The following IQSEC1 variants were observed in gnomAD, a reference collection of about 807,000 sequenced individuals.
The protein encoded by IQSEC1 is IQ motif and SEC7 domain-containing protein 1.
Under a neutral mutation model 91.0 loss-of-function variants are expected in IQSEC1, and 31 were observed. The ratio of observed to expected loss-of-function variants is 0.34; its 90% CI spans 0.26 to 0.46. The LOEUF is 0.46. Ranked by LOEUF, IQSEC1 falls within the 20% of genes least tolerant of loss-of-function variation. IQSEC1 has a pLI of 1.00. For missense variants in IQSEC1, 1,388 were observed against 1,575.6 expected, an observed-to-expected ratio of 0.88 and a Z score of 2.02; for synonymous variants, 699 against 662.6, an observed-to-expected ratio of 1.05 and a Z score of -0.84.
At chr3:13,197,250 CAT>C (rs956247350) in intron 1 of IQSEC1, among the ~76,000 whole-genome samples, 69 of 152,344 alleles carry the variant, frequency 4.5e-4, no homozygotes, top group African/African-American at 1.7e-3. Context: ...TCCCTGCACA[CAT>C]TTTTTAAAAA....
chr3:13,086,869 A>G (rs1705745122), intron 2 of IQSEC1, among the ~76,000 whole-genome samples: 1 of 152,152 alleles, frequency 6.6e-6, no homozygotes, highest in African/African-American at 2.4e-5. Flanking sequence ...TTCTTTCTCA[A>G]CATCTGTCTT....
chr3:13,013,563 G>A (rs746242868), intron 1 of IQSEC1, among the ~76,000 whole-genome samples: 1 of 152,132 alleles, frequency 6.6e-6, no homozygotes, highest in Non-Finnish European at 1.5e-5. Context: ...GGTGACATGT[G>A]TCCATTAAAA....
At chr3:13,172,417 G>A (rs1307715806) in intron 1 of IQSEC1, among the ~76,000 whole-genome samples, 2 of 152,196 alleles carry the variant, frequency 1.3e-5, no homozygotes, top group African/African-American at 4.8e-5. Flanking sequence ...AACAGGACAG[G>A]CCCAGAAAGA....
chr3:13,111,445 C>G (rs1706242759), intron 2 of IQSEC1, among the ~76,000 whole-genome samples: 1 of 152,176 alleles, frequency 6.6e-6, no homozygotes, highest in Non-Finnish European at 1.5e-5. Context: ...TTCTGCAGGG[C>G]TATTCTGGGA....
chr3:12,901,583 ATT>A, intron 13 of IQSEC1, 61 bp from the exon 14 acceptor site: 9 of 1,207,972 alleles, frequency 7.5e-6, no homozygotes, highest in Non-Finnish European at 1.0e-5. Flanking sequence ...GGTCAGAATG[ATT>A]TTTTTTTTTC....
chr3:13,156,478 G>T (rs1707087127), intron 2 of IQSEC1, among the ~76,000 whole-genome samples: 1 of 152,202 alleles, frequency 6.6e-6, no homozygotes, highest in African/African-American at 2.4e-5. Flanking sequence ...AGAAAGAAGT[G>T]CATGATGGAG....
intron 7 of IQSEC1, 30 bp downstream of exon 7, chr3:12,915,564 G>A (rs539695134): frequency 6.2e-7 from 1 of 1,608,136 alleles, no homozygotes; most frequent in African/African-American, 1.3e-5. Flanking sequence ...TGGTGCTGGG[G>A]CCCACCACGT....
At chr3:12,955,225 G>A (rs749336569) in intron 1 of IQSEC1, among the ~76,000 whole-genome samples, 2 of 152,224 alleles carry the variant, frequency 1.3e-5, no homozygotes, top group Non-Finnish European at 2.9e-5. Context: ...CAAGGAACTT[G>A]AACTACCAAG....
rs1218363966 is a variant in IQSEC1 at position 12,922,263 on chromosome 3, C to T, written c.1731-21G>A. On this transcript the variant is annotated intron_variant, in intron 4 of 13. Coordinates refer to ENST00000613206, the MANE Select transcript of IQSEC1 (RefSeq NM_001134382.3). This position sits in a 1 kb window ranked among gnomAD's most constrained non-coding sequence, Gnocchi z 5.1. ...CGCAGCTGGAATAGAGACAGACAGC[C>T]CCGCATAAGCACCCCTTGCAGGTGC... The T allele has an allele frequency of 1.9e-6, 3 of 1,557,240 alleles. No individual in the cohort carries two copies. The highest frequency in any genetic ancestry group is 2.6e-6 in the Non-Finnish European group (3 of 1,141,890).
intron 1 of IQSEC1, among the ~76,000 whole-genome samples, chr3:13,195,246 A>G (rs1387653658): frequency 1.3e-5 from 2 of 152,222 alleles, no homozygotes; most frequent in Non-Finnish European, 1.5e-5. Flanking sequence ...CGGTTCAATG[A>G]TGTTAGCCTT....
At chr3:13,253,089 C>T (rs9884079) in intron 1 of IQSEC1, among the ~76,000 whole-genome samples, 57,472 of 152,096 alleles carry the variant, frequency 0.38, 14,126 homozygotes, top group African/African-American at 0.71. Context: ...TTGCTTCTCG[C>T]TGTGGCTTTG....
At chr3:13,124,774 G>A (rs950348065) in intron 2 of IQSEC1, among the ~76,000 whole-genome samples, 7 of 110,498 alleles carry the variant, frequency 6.3e-5, no homozygotes, top group African/African-American at 1.1e-4. Context: ...GGAGCTCCTG[G>A]ATCCCCCCCA....
At chr3:12,916,883 G>C (rs1696149176) in intron 6 of IQSEC1, among the ~76,000 whole-genome samples, 1 of 152,170 alleles carries the variant, frequency 6.6e-6, no homozygotes, top group Non-Finnish European at 1.5e-5. Flanking sequence ...TAGTAAGTGG[G>C]AAAAGCAAGG....
At chr3:12,951,930 G>A (rs1699576426) in intron 1 of IQSEC1, among the ~76,000 whole-genome samples, 2 of 152,212 alleles carry the variant, frequency 1.3e-5, no homozygotes, top group African/African-American at 4.8e-5. Context: ...CAAGGTCTGG[G>A]ACGGAGGGGC....
At chr3:12,990,810 A>G (rs952839605) in intron 1 of IQSEC1, among the ~76,000 whole-genome samples, 10 of 152,212 alleles carry the variant, frequency 6.6e-5, no homozygotes, top group Non-Finnish European at 1.2e-4. Flanking sequence ...TTATGCTTCG[A>G]GAACCATCAT....
chr3:13,032,508 C>T (rs1178279594), intron 1 of IQSEC1, among the ~76,000 whole-genome samples: 1 of 152,300 alleles, frequency 6.6e-6, no homozygotes, highest in African/African-American at 2.4e-5. Context: ...CACGGAAGGA[C>T]AAGTGTGCAC....
intron 2 of IQSEC1, among the ~76,000 whole-genome samples, chr3:13,132,753 C>T (rs1658983639): frequency 6.6e-6 from 1 of 152,170 alleles, no homozygotes; most frequent in African/African-American, 2.4e-5. Context: ...GTGGATGTTT[C>T]AGGTACCCCA....
At chr3:12,928,947 G>A (rs759289571) in intron 3 of IQSEC1, among the ~76,000 whole-genome samples, 2 of 152,136 alleles carry the variant, frequency 1.3e-5, no homozygotes, top group African/African-American at 2.4e-5. Context: ...CATTTATTGG[G>A]CACCTACCCT....
intron 1 of IQSEC1, among the ~76,000 whole-genome samples, chr3:12,943,709 G>A (rs1479887725): frequency 2.0e-5 from 3 of 152,224 alleles, no homozygotes; most frequent in Non-Finnish European, 4.4e-5. Context: ...CACGAGGCCT[G>A]CAGGACCCCA....
Sources: allele counts gnomAD v4.1 joint callset (sites outside exome capture counted in the v4.1 genomes callset), GRCh38; gene constraint gnomAD v4.1.1; non-coding constraint Gnocchi (gnomAD v3.1); transcripts MANE v1.5; gene names NCBI Gene and HGNC (gene_info 2026-07-23, HGNC 2026-07-21).